Variants in USP14 observed in about 807,000 individuals in gnomAD.
USP14 encodes the protein ubiquitin specific peptidase 14.
Under a neutral mutation model 76.5 loss-of-function variants are expected in USP14, and 38 were observed. The ratio of observed to expected loss-of-function variants is 0.50; its 90% confidence interval spans 0.38 to 0.65. The LOEUF (loss-of-function observed/expected upper bound fraction) is 0.65, where lower values mean the gene tolerates loss of function less well. Ranked by LOEUF, USP14 falls within the 30% of genes least tolerant of loss-of-function variation. The pLI is 0.00. For synonymous variants in USP14, 192 were observed against 191.7 expected (o/e 1.00, Z -0.01); for missense variants, 467 against 586.5 (o/e 0.80, Z 2.10).
intron 10 of USP14, among the ~76,000 whole-genome samples, chr18:201,026 C>A (rs928524200): frequency 1.3e-5 from 2 of 152,150 alleles, no homozygotes; most frequent in African/African-American, 2.4e-5. Flanking sequence ...TGGTCTCAAT[C>A]TCCTGACCTT....
Position 180,715 on chromosome 18 carries a change from A to G in USP14, c.404+376A>G, listed in dbSNP as rs569818186. ...TTGCGGCTAACTTCTTTCATTTGGCATGTTCCCATGGTTCATTCAGGTTAC... is the reference window on the plus strand; with the variant it reads ...TTGCGGCTAACTTCTTTCATTTGGCGTGTTCCCATGGTTCATTCAGGTTAC... On this transcript the variant is annotated intron_variant, in intron 5 of 15. Coordinates refer to ENST00000261601, the MANE Select transcript of USP14 (RefSeq NM_005151.4). 2.8e-4 allele frequency among the ~76,000 whole-genome samples: 43 copies of G among 152,350 alleles called. No homozygotes were observed. The South Asian group carries it at 8.5e-3, about 30-fold the overall frequency.
At chr18:168,245 T>C (rs917672853) in intron 3 of USP14, among the ~76,000 whole-genome samples, 25 of 152,206 alleles carry the variant, frequency 1.6e-4, no homozygotes, top group African/African-American at 5.5e-4. Context: ...TTGATTTTTC[T>C]AAGTTTATTT....
At chr18:190,360 A>C (rs1910053837) in intron 5 of USP14, among the ~76,000 whole-genome samples, 1 of 152,164 alleles carries the variant, frequency 6.6e-6, no homozygotes, top group Non-Finnish European at 1.5e-5. Context: ...AAAAGGATTT[A>C]TATATTCAGT....
At chr18:183,074 T>TAAAAAA (rs1253134339) in intron 5 of USP14, among the ~76,000 whole-genome samples, 5 of 152,208 alleles carry the variant, frequency 3.3e-5, no homozygotes. Flanking sequence ...TAATTTTGCT[T>TAAAAAA]AAAAAATTGC....
chr18:185,017 T>A (rs1909889104), intron 5 of USP14, among the ~76,000 whole-genome samples: 1 of 152,188 alleles, frequency 6.6e-6, no homozygotes, highest in Non-Finnish European at 1.5e-5. Context: ...AAAATCATCC[T>A]AAAATTCTAT....
At chr18:187,054 A>C (rs1567831336) in intron 5 of USP14, among the ~76,000 whole-genome samples, 1 of 152,198 alleles carries the variant, frequency 6.6e-6, no homozygotes, top group Non-Finnish European at 1.5e-5. Context: ...CATTCTGTAC[A>C]TATTCATCAA....
Position 211,384 on chromosome 18 carries a change from T to G in USP14, c.*100T>G, listed in dbSNP as rs1910665482. The G allele has an allele frequency of 4.4e-5, 57 of 1,288,988 alleles. No homozygotes were observed. The highest frequency in any genetic ancestry group is 5.7e-5 in the Non-Finnish European group (54 of 946,590). 79.8% of individuals were successfully genotyped at this position (1,288,988 alleles called of 1,614,324 possible). ...AGAGGAAGACACATAGGTGGGTTTA[T>G]GTTTCACCTCATTTGGAACAAAAGA... On this transcript the variant is annotated 3_prime_UTR_variant, in exon 16 of 16. Transcript: ENST00000261601.
rs35848582 is a variant in USP14, at chr18:209,121, C to CT, written c.1165-839dup. 2.3e-3 allele frequency among the ~76,000 whole-genome samples: 337 copies of CT among 144,108 alleles called. 1 individual carries two copies. The highest frequency in any genetic ancestry group is 0.012 in the East Asian group (57 of 4,942). 94.5% of individuals were successfully genotyped at this position (144,108 alleles called of 152,430 possible). A position where few individuals can be genotyped will look rare whatever the true frequency, so the allele number is the denominator to read the frequency against. ...TAATTCTGCTTTTTTGATGTTTTGC[C>CT]TTTTTTTTTTTGTCTTCTTGTGGGT... On this transcript the variant is annotated intron_variant, in intron 13 of 15. Coordinates refer to ENST00000261601, the MANE Select transcript of USP14 (RefSeq NM_005151.4).
At chr18:159,608 G>A (rs545500686) in intron 1 of USP14, among the ~76,000 whole-genome samples, 1 of 152,298 alleles carries the variant, frequency 6.6e-6, no homozygotes, top group African/African-American at 2.4e-5. Context: ...CGAATCAAGA[G>A]TATTGTTTGA....
At chr18:167,433 G>A (rs1482007238) in intron 3 of USP14, among the ~76,000 whole-genome samples, 1 of 152,136 alleles carries the variant, frequency 6.6e-6, no homozygotes, top group Non-Finnish European at 1.5e-5. Context: ...CCCTGAATAT[G>A]ATGTACTTCC....
intron 14 of USP14, 33 bp downstream of exon 14, chr18:210,064 G>T: frequency 2.0e-6 from 3 of 1,511,336 alleles, no homozygotes; most frequent in Non-Finnish European, 2.7e-6. Flanking sequence ...TTGAGTTATT[G>T]TATGTGGGTC....
intron 12 of USP14, among the ~76,000 whole-genome samples, chr18:204,001 A>G (rs1056526859): frequency 1.3e-5 from 2 of 152,178 alleles, no homozygotes; most frequent in South Asian, 4.1e-4. Flanking sequence ...ACATCTCCAT[A>G]GAGTCCTGGG....
At chr18:177,208 T>G (rs542275952) in intron 3 of USP14, among the ~76,000 whole-genome samples, 2 of 152,212 alleles carry the variant, frequency 1.3e-5, no homozygotes, top group South Asian at 4.2e-4. Flanking sequence ...GTTTTCCAAC[T>G]GGTTATTGCT....
At chr18:207,583 G>GT (rs1306796669) in intron 13 of USP14, among the ~76,000 whole-genome samples, 1 of 144,144 alleles carries the variant, frequency 6.9e-6, no homozygotes, top group Admixed American at 6.9e-5. Flanking sequence ...GAAGGCTAAG[G>GT]TGGGAGGATC....
At chr18:171,070 A>T (rs1419577800) in intron 3 of USP14, among the ~76,000 whole-genome samples, 1 of 144,150 alleles carries the variant, frequency 6.9e-6, no homozygotes, top group African/African-American at 2.6e-5. Context: ...TGAAGCTAGC[A>T]GAAGTTGGTT....
Position 214,617 on chromosome 18 carries a change from A to AAAAAG in USP14, c.*3336_*3340dup. 6.3e-7 allele frequency: 1 copy of AAAAAG among 1,584,814 alleles called. No homozygotes were observed. Among genetic ancestry groups the AAAAAG allele is most frequent in the Non-Finnish European group, 8.6e-7 (1 of 1,167,398 alleles). The stretch of plus-strand genomic sequence containing the variant: ...ATCACAGTTTTAATAAAAAGAAAAA[A>AAAAAG]AAAAGAAGCTAACTATTTGTCTCAT... On this transcript the variant is annotated 3_prime_UTR_variant, in exon 16 of 16. Transcript: ENST00000261601.
intron 7 of USP14, 149 bp downstream of exon 7, chr18:196,916 T>A: frequency 1.1e-6 from 1 of 896,248 alleles, no homozygotes; most frequent in Non-Finnish European, 1.6e-6. Context: ...CGCACAGTAG[T>A]CTTAACTGAT....
At chr18:203,029 A>G in intron 11 of USP14, 69 bp from the exon 12 acceptor site, 1 of 1,602,142 alleles carries the variant, frequency 6.2e-7, no homozygotes, top group Non-Finnish European at 8.5e-7. Flanking sequence ...CTTAATTTTT[A>G]CCACCAAATA....
intron 3 of USP14, among the ~76,000 whole-genome samples, chr18:168,488 G>A (rs1381298304): frequency 1.3e-5 from 2 of 152,106 alleles, no homozygotes; most frequent in African/African-American, 2.4e-5. Flanking sequence ...AGGCTGGAGT[G>A]TGGTGGTGTG....
Sources: allele counts gnomAD v4.1 joint callset (sites outside exome capture counted in the v4.1 genomes callset), GRCh38; gene constraint gnomAD v4.1.1; transcripts MANE v1.5; gene names NCBI Gene and HGNC (gene_info 2026-07-23, HGNC 2026-07-21).